CTNND2: variants seen among roughly 807,000 people sequenced by gnomAD.
CTNND2 encodes the protein catenin delta 2, also known as catenin delta-2.
In CTNND2, 22 loss-of-function variants were observed where a neutral mutation model predicts 144.4. The ratio of observed to expected loss-of-function variants is 0.15; its 90% CI spans 0.11 to 0.22. The LOEUF is 0.22. Among genes scored for constraint, CTNND2 ranks in the 10% least tolerant of loss-of-function variants. The pLI, the probability that CTNND2 is intolerant of heterozygous loss-of-function variation, is 1.00. For synonymous variants in CTNND2, 751 were observed against 695.6 expected (o/e 1.08, Z -1.25); for missense variants, 1,353 against 1,618.8 (o/e 0.84, Z 2.82).
intron 3 of CTNND2, among the ~76,000 whole-genome samples, chr5:11,453,616 G>T (rs1765474954): frequency 6.6e-6 from 1 of 152,182 alleles, no homozygotes; most frequent in African/African-American, 2.4e-5. Flanking sequence ...CTATCTGAAA[G>T]TCTCCATTTT....
At chr5:11,750,704 G>T (rs985983944) in intron 1 of CTNND2, among the ~76,000 whole-genome samples, 1 of 151,754 alleles carries the variant, frequency 6.6e-6, no homozygotes, top group African/African-American at 2.4e-5. Context: ...GTAGGTTTGC[G>T]TCAAGATTCA....
intron 11 of CTNND2, among the ~76,000 whole-genome samples, chr5:11,165,625 T>C (rs192588412): frequency 3.6e-3 from 546 of 152,322 alleles, no homozygotes; most frequent in Non-Finnish European, 5.9e-3. Flanking sequence ...ATTATTGCTG[T>C]TCCAAATATA....
At chr5:11,336,768 C>T (rs930336463) in intron 9 of CTNND2, among the ~76,000 whole-genome samples, 1 of 152,042 alleles carries the variant, frequency 6.6e-6, no homozygotes, top group African/African-American at 2.4e-5. Flanking sequence ...TGTATGTATA[C>T]AAATAGTATA....
intron 10 of CTNND2, among the ~76,000 whole-genome samples, chr5:11,231,933 G>A (rs1027567999): frequency 1.3e-4 from 20 of 152,232 alleles, no homozygotes; most frequent in African/African-American, 4.3e-4. Flanking sequence ...GGTGCCCTGC[G>A]TCCCAGATGC....
chr5:11,224,310 A>G, intron 10 of CTNND2, among the ~76,000 whole-genome samples: 1 of 152,136 alleles, frequency 6.6e-6, no homozygotes, highest in Non-Finnish European at 1.5e-5. Flanking sequence ...GAAAATGGAA[A>G]AATATATTGG....
Position 11,711,365 on chromosome 5 carries a change from T to G in CTNND2, c.174+20771A>C, listed in dbSNP as rs559304466. On this transcript the variant is annotated intron_variant, in intron 2 of 21. Transcript: ENST00000304623. Reference sequence around the variant, plus strand: ...AGCCACCACGCCGGGCCGACTGGCCTAATTTGATAGCATTTTTTTATATAT... The same window carrying G: ...AGCCACCACGCCGGGCCGACTGGCCGAATTTGATAGCATTTTTTTATATAT... Among the ~76,000 whole-genome samples the G allele has an allele frequency of 7.9e-5, 12 of 152,282 alleles. No individual in the cohort carries two copies. The South Asian group carries it at 2.5e-3, about 32-fold the overall frequency.
chr5:10,990,048 T>C (rs1738494471), intron 19 of CTNND2, among the ~76,000 whole-genome samples: 1 of 152,132 alleles, frequency 6.6e-6, no homozygotes, highest in African/African-American at 2.4e-5. Context: ...ACAAATGCAA[T>C]GGCAGACAGG....
intron 9 of CTNND2, 80 bp downstream of exon 9, chr5:11,346,292 A>G (rs533979986): frequency 5.5e-6 from 7 of 1,277,070 alleles, no homozygotes; most frequent in Non-Finnish European, 7.2e-6. Context: ...CATAAATGCA[A>G]CATGACGTGA....
intron 9 of CTNND2, among the ~76,000 whole-genome samples, chr5:11,298,178 T>A (rs1749215271): frequency 6.6e-6 from 1 of 152,100 alleles, no homozygotes; most frequent in Non-Finnish European, 1.5e-5. Flanking sequence ...TTTTATTTAG[T>A]TGTTTCTTTT....
chr5:11,547,325 T>C (rs1431877910), intron 3 of CTNND2, among the ~76,000 whole-genome samples: 1 of 148,776 alleles, frequency 6.7e-6, no homozygotes, highest in Non-Finnish European at 1.5e-5. Flanking sequence ...ATAAATAAAG[T>C]AAAAAGATAT....
chr5:11,651,207 C>T (rs1782632930), intron 2 of CTNND2, among the ~76,000 whole-genome samples: 1 of 152,174 alleles, frequency 6.6e-6, no homozygotes, highest in South Asian at 2.1e-4. Context: ...CCAGCTCTAG[C>T]CATGGCTAAA....
intron 2 of CTNND2, among the ~76,000 whole-genome samples, chr5:11,605,359 T>G (rs1779994669): frequency 6.6e-6 from 1 of 152,240 alleles, no homozygotes; most frequent in South Asian, 2.1e-4. Context: ...TAATGAAGCA[T>G]CACAGACAAA....
chr5:11,469,460 T>A (rs1476814661), intron 3 of CTNND2, among the ~76,000 whole-genome samples: 2 of 152,162 alleles, frequency 1.3e-5, no homozygotes, highest in Non-Finnish European at 2.9e-5. Context: ...CAGAAAGGCA[T>A]AACACTGCTG....
chr5:11,688,285 C>T (rs1181711350), intron 2 of CTNND2, among the ~76,000 whole-genome samples: 2 of 152,076 alleles, frequency 1.3e-5, no homozygotes, highest in East Asian at 1.9e-4. Flanking sequence ...CCTGAACTCC[C>T]GGAAGACAAG....
intron 16 of CTNND2, among the ~76,000 whole-genome samples, chr5:11,025,440 A>G (rs1742723185): frequency 6.6e-6 from 1 of 152,218 alleles, no homozygotes; most frequent in Non-Finnish European, 1.5e-5. Flanking sequence ...TGGGACATAG[A>G]ATAATTACAG....
intron 1 of CTNND2, among the ~76,000 whole-genome samples, chr5:11,776,969 A>T (rs537972769): frequency 9.8e-5 from 15 of 152,342 alleles, no homozygotes; most frequent in East Asian, 9.6e-4. Flanking sequence ...CAGTATAAGA[A>T]AATCCAGATT....
intron 1 of CTNND2, among the ~76,000 whole-genome samples, chr5:11,865,333 CCTAT>C (rs1795712777): frequency 6.6e-6 from 1 of 151,982 alleles, no homozygotes; most frequent in Non-Finnish European, 1.5e-5. Context: ...TGTTTGGCAG[CCTAT>C]CTGTCACTGA....
intron 9 of CTNND2, among the ~76,000 whole-genome samples, chr5:11,308,641 A>G (rs1271365342): frequency 6.6e-6 from 1 of 152,184 alleles, no homozygotes; most frequent in Admixed American, 6.5e-5. Context: ...TTTTGGTTTG[A>G]TTTTTTATTT....
chr5:11,878,092 T>TAC (rs1735695436), intron 1 of CTNND2, among the ~76,000 whole-genome samples: 1 of 151,936 alleles, frequency 6.6e-6, no homozygotes, highest in African/African-American at 2.4e-5. Context: ...AACAATTTTG[T>TAC]ACACACACAC....
Sources: gnomAD v4.1 joint callset for allele counts (sites outside exome capture counted in the v4.1 genomes callset) on GRCh38, gnomAD v4.1.1 for gene constraint, MANE v1.5 for transcripts, NCBI Gene and HGNC (gene_info 2026-07-23, HGNC 2026-07-21) for gene names.